The following HYDIN variants were observed in gnomAD, a reference collection of about 807,000 sequenced individuals.
HYDIN encodes the protein axonemal central pair apparatus protein HYDIN.
In HYDIN, 132 loss-of-function variants were observed where a neutral mutation model predicts 403.9. That is an observed-to-expected ratio of 0.33 (90% CI 0.28 to 0.38). The LOEUF is 0.38. Ranked by LOEUF, HYDIN falls within the 10% of genes least tolerant of loss-of-function variation. HYDIN has a pLI of 1.00. For missense variants in HYDIN, 2,827 were observed against 5,009.5 expected, an observed-to-expected ratio of 0.56 and a Z score of 13.15; for synonymous variants, 1,202 against 1,891.7, an observed-to-expected ratio of 0.64 and a Z score of 9.46.
chr16:70,892,618 C>G, intron 55 of HYDIN, 89 bp from the exon 56 acceptor site: 1 of 1,478,600 alleles, frequency 6.8e-7, no homozygotes, highest in Non-Finnish European at 9.0e-7. Flanking sequence ...TGAGTGCCTG[C>G]TGTGTTTCCA....
chr16:71,223,981 G>C (rs1017427929), intron 1 of HYDIN, among the ~76,000 whole-genome samples: 1 of 152,166 alleles, frequency 6.6e-6, no homozygotes. Context: ...ATATGAAAAA[G>C]ACACATTCAC....
intron 41 of HYDIN, among the ~76,000 whole-genome samples, chr16:70,951,772 T>C (rs1346106627): frequency 7.9e-6 from 1 of 126,404 alleles, no homozygotes; most frequent in Non-Finnish European, 1.7e-5. Flanking sequence ...TTTGCCCCTC[T>C]ACTACTCTCT....
At chr16:71,072,324 G>C (rs1163124032) in intron 13 of HYDIN, among the ~76,000 whole-genome samples, 1 of 149,156 alleles carries the variant, frequency 6.7e-6, no homozygotes, top group African/African-American at 2.5e-5. Flanking sequence ...AGTGGGATGT[G>C]AGTCTCTGGA....
chr16:70,978,874 C>G lies in HYDIN; in HGVS notation c.4638+40G>C, dbSNP rs2078964183. 4.5e-6 allele frequency: 7 copies of G among 1,550,022 alleles called. No homozygotes were observed. In the East Asian group the frequency reaches 1.6e-4, roughly 35 times the overall value. On this transcript the variant is annotated intron_variant, in intron 30 of 85. Coordinates refer to ENST00000393567, the MANE Select transcript of HYDIN (RefSeq NM_001270974.2). The stretch of plus-strand genomic sequence containing the variant: ...TCCTATGCACTCTGCACGCACCACC[C>G]TCCTGCACAGGCGTCCCGTGCAGGC...
chr16:71,006,562 A>G (rs2079893552), intron 23 of HYDIN, among the ~76,000 whole-genome samples: 1 of 152,132 alleles, frequency 6.6e-6, no homozygotes, highest in African/African-American at 2.4e-5. Flanking sequence ...ACCACTGGCT[A>G]TCACAGGCAG....
chr16:71,181,533 T>C (rs1033791971), intron 3 of HYDIN, among the ~76,000 whole-genome samples: 1 of 152,110 alleles, frequency 6.6e-6, no homozygotes, highest in African/African-American at 2.4e-5. Context: ...GTTTTCTTGA[T>C]TATATAAGTG....
intron 47 of HYDIN, among the ~76,000 whole-genome samples, chr16:70,916,151 C>A (rs2076833804): frequency 6.6e-6 from 1 of 152,038 alleles, no homozygotes; most frequent in Non-Finnish European, 1.5e-5. Context: ...TTCCCAGAGT[C>A]CTGGCCAGGA....
At chr16:70,991,457 A>C (rs1404237145) in intron 24 of HYDIN, 61 bp from the exon 25 acceptor site, 72 of 1,595,252 alleles carry the variant, frequency 4.5e-5, no homozygotes, top group Non-Finnish European at 5.9e-5. Flanking sequence ...ACACAGTCTC[A>C]GGTGCATAAC....
intron 1 of HYDIN, among the ~76,000 whole-genome samples, chr16:71,191,094 A>G (rs1025557212): frequency 3.3e-5 from 5 of 152,186 alleles, no homozygotes; most frequent in Admixed American, 2.6e-4. Flanking sequence ...TGATTTTAAA[A>G]ACTGAATAAT....
chr16:71,070,321 C>CA (rs1465455278), intron 13 of HYDIN, among the ~76,000 whole-genome samples: 9 of 137,356 alleles, frequency 6.6e-5, no homozygotes, highest in Admixed American at 5.1e-4. Flanking sequence ...TCCTTTCTTT[C>CA]TTTTTTTTTT....
At chr16:70,937,444 T>C (rs1350348214) in intron 44 of HYDIN, among the ~76,000 whole-genome samples, 12 of 151,272 alleles carry the variant, frequency 7.9e-5, no homozygotes, top group Non-Finnish European at 1.8e-4. Context: ...TCCCAGGAGT[T>C]CAGTTCGAGA....
At chr16:71,195,683 T>C (rs1003359091) in intron 1 of HYDIN, among the ~76,000 whole-genome samples, 2 of 152,212 alleles carry the variant, frequency 1.3e-5, no homozygotes, top group Non-Finnish European at 2.9e-5. Context: ...CATTGGCCTC[T>C]GCTCTCTTCC....
At chr16:71,114,629 TG>T (rs1240718079) in intron 10 of HYDIN, among the ~76,000 whole-genome samples, 1 of 147,710 alleles carries the variant, frequency 6.8e-6, no homozygotes, top group Non-Finnish European at 1.5e-5. Context: ...CATGTACACA[TG>T]CATATACACA....
intron 6 of HYDIN, among the ~76,000 whole-genome samples, chr16:71,157,327 C>T (rs891334272): frequency 4.6e-5 from 7 of 152,138 alleles, no homozygotes; most frequent in African/African-American, 1.7e-4. Context: ...TGTATATTGA[C>T]ACTAAAAGTG....
intron 85 of HYDIN, 91 bp from the exon 86 acceptor site, chr16:70,808,153 A>G: frequency 1.4e-6 from 2 of 1,406,250 alleles, no homozygotes; most frequent in East Asian, 2.3e-5. Flanking sequence ...ACTCCTGGAC[A>G]TCAAGCAACT....
chr16:71,049,618 A>T (rs1306920052), intron 18 of HYDIN, among the ~76,000 whole-genome samples: 6 of 152,204 alleles, frequency 3.9e-5, no homozygotes, highest in Non-Finnish European at 7.3e-5. Context: ...ACAGCTGCAA[A>T]CAATCAGGTA....
intron 40 of HYDIN, among the ~76,000 whole-genome samples, chr16:70,954,613 G>A (rs1012932082): frequency 1.3e-5 from 2 of 152,094 alleles, no homozygotes; most frequent in African/African-American, 2.4e-5. Flanking sequence ...AGGAAGCTGG[G>A]CGTGGCCATC....
At chr16:71,211,437 G>A (rs940205133) in intron 1 of HYDIN, among the ~76,000 whole-genome samples, 4 of 151,260 alleles carry the variant, frequency 2.6e-5, no homozygotes, top group African/African-American at 4.9e-5. Context: ...TCAGGAGATC[G>A]AGACCATCCT....
At chr16:70,837,513 T>C (rs1226399817) in intron 77 of HYDIN, among the ~76,000 whole-genome samples, 177 bp downstream of exon 77, 1 of 152,114 alleles carries the variant, frequency 6.6e-6, no homozygotes, top group East Asian at 1.9e-4. Context: ...ATCTGGTGAT[T>C]TGCCCCTTTC....
Sources: allele counts gnomAD v4.1 joint callset (sites outside exome capture counted in the v4.1 genomes callset), GRCh38; gene constraint gnomAD v4.1.1; transcripts MANE v1.5; gene names NCBI Gene and HGNC (gene_info 2026-07-23, HGNC 2026-07-21).